Variants in HPSE2 observed in about 807,000 individuals in gnomAD.
The protein encoded by HPSE2 is inactive heparanase-2.
A neutral mutation model predicts 60.5 loss-of-function variants in HPSE2; 38 were observed. That is an observed-to-expected ratio of 0.63 (90% confidence interval 0.48 to 0.82). The LOEUF (loss-of-function observed/expected upper bound fraction) is 0.82, where lower values mean the gene tolerates loss of function less well. Ranked by LOEUF, HPSE2 falls within the 40% of genes least tolerant of loss-of-function variation. The probability of loss-of-function intolerance (pLI) is 0.00; values close to 1 mark genes in which losing one functional copy is unlikely to be tolerated. For missense variants in HPSE2, 713 were observed against 740.4 expected (o/e 0.96, Z 0.43); for synonymous variants, 295 against 293.2 (o/e 1.01, Z -0.06).
chr10:98,664,744 T>TC (rs1340336923), intron 6 of HPSE2, among the ~76,000 whole-genome samples: 2 of 152,152 alleles, frequency 1.3e-5, no homozygotes, highest in Non-Finnish European at 2.9e-5. Context: ...CAAATAAAGA[T>TC]CTTGTTAAGA....
intron 3 of HPSE2, among the ~76,000 whole-genome samples, chr10:99,066,795 C>T (rs992567355): frequency 6.6e-6 from 1 of 152,104 alleles, no homozygotes; most frequent in Admixed American, 6.5e-5. Context: ...CCGCAAATCT[C>T]ATGTCCTCAC....
At chr10:98,930,094 T>C (rs1203823940) in intron 3 of HPSE2, among the ~76,000 whole-genome samples, 2 of 143,600 alleles carry the variant, frequency 1.4e-5, no homozygotes, top group Non-Finnish European at 3.0e-5. Context: ...CATCTATGTA[T>C]TAAGCCCAGC....
intron 9 of HPSE2, among the ~76,000 whole-genome samples, chr10:98,540,906 A>G (rs1943437180): frequency 6.6e-6 from 1 of 152,212 alleles, no homozygotes; most frequent in Non-Finnish European, 1.5e-5. Context: ...GGGAACCTAA[A>G]GACTATAATA....
At chr10:98,467,677 G>A (rs1253566516) in intron 11 of HPSE2, among the ~76,000 whole-genome samples, 1 of 152,198 alleles carries the variant, frequency 6.6e-6, no homozygotes, top group African/African-American at 2.4e-5. Flanking sequence ...TGGCACCCAG[G>A]AAGCCGGAAT....
chr10:99,289,189 G>A, the HPSE2 span, among the ~76,000 whole-genome samples: 1 of 152,096 alleles, frequency 6.6e-6, no homozygotes, highest in Admixed American at 6.6e-5. Context: ...ACCATCCACA[G>A]TGCAACAGAT....
chr10:98,583,004 T>A (rs906903193), intron 9 of HPSE2, among the ~76,000 whole-genome samples: 3 of 152,132 alleles, frequency 2.0e-5, no homozygotes, highest in African/African-American at 7.2e-5. Context: ...TGGACTCATT[T>A]TTGTCATACC....
chr10:99,230,897 CT>C (rs144408876), intron 2 of HPSE2, among the ~76,000 whole-genome samples: 2,526 of 152,238 alleles, frequency 0.017, 106 homozygotes, highest in East Asian at 0.16. Context: ...GACAGTGACC[CT>C]GGGAGCTATA....
At chr10:98,547,608 G>A (rs1943727812) in intron 9 of HPSE2, among the ~76,000 whole-genome samples, 1 of 131,036 alleles carries the variant, frequency 7.6e-6, no homozygotes, top group South Asian at 2.5e-4. Flanking sequence ...TGAACAATGA[G>A]AACACATGGA....
At chr10:99,285,200 G>A in the HPSE2 span, among the ~76,000 whole-genome samples, 1 of 151,726 alleles carries the variant, frequency 6.6e-6, no homozygotes, top group Non-Finnish European at 1.5e-5. Context: ...CAGGCTGAAT[G>A]GGAGTACTAC....
chr10:98,820,997 T>C (rs1951411619), intron 3 of HPSE2, among the ~76,000 whole-genome samples: 1 of 152,142 alleles, frequency 6.6e-6, no homozygotes. Context: ...TAACCCTCCT[T>C]CCCCTACCTG....
chr10:98,723,833 C>T lies in HPSE2; in HGVS notation c.785-2005G>A, dbSNP rs373369681. ...ATATCCCCTTTGTCATTTTTTATTG[C>T]GTCTATTTGATTCTTCTCTCTTTTC... On this transcript the variant is annotated intron_variant, in intron 4 of 11. Coordinates refer to ENST00000370552, the MANE Select transcript of HPSE2 (RefSeq NM_021828.5). Among the ~76,000 whole-genome samples, 60 of 151,962 alleles carry T rather than the reference C, an allele frequency of 3.9e-4. No homozygotes were observed. In the East Asian group the frequency reaches 6.6e-3, roughly 17 times the overall value.
intron 6 of HPSE2, among the ~76,000 whole-genome samples, chr10:98,675,524 A>T (rs985570428): frequency 6.7e-6 from 1 of 149,002 alleles, no homozygotes; most frequent in Admixed American, 6.8e-5. Context: ...TAAGCAACAC[A>T]GTGAGATCCC....
At chr10:98,653,096 A>C (rs1213423287) in intron 6 of HPSE2, among the ~76,000 whole-genome samples, 1 of 152,216 alleles carries the variant, frequency 6.6e-6, no homozygotes, top group Non-Finnish European at 1.5e-5. Flanking sequence ...TAATCTATAT[A>C]TCATTATGTA....
At chr10:99,128,860 TA>T (rs539013411) in intron 3 of HPSE2, among the ~76,000 whole-genome samples, 1 of 151,766 alleles carries the variant, frequency 6.6e-6, no homozygotes, top group African/African-American at 2.4e-5. Flanking sequence ...TTTCATTTTT[TA>T]AAAAAAAATC....
intron 2 of HPSE2, among the ~76,000 whole-genome samples, chr10:99,152,039 C>T (rs570009143): frequency 1.3e-5 from 2 of 151,680 alleles, no homozygotes; most frequent in South Asian, 4.2e-4. Context: ...AGAGGCTGGG[C>T]ACTGTGGCTC....
At chr10:98,584,486 T>C (rs920990236) in intron 9 of HPSE2, among the ~76,000 whole-genome samples, 3 of 152,304 alleles carry the variant, frequency 2.0e-5, no homozygotes, top group African/African-American at 7.2e-5. Flanking sequence ...AATAATTTAA[T>C]TGTGGATTCC....
Position 98,998,367 on chromosome 10 carries a change from A to T in HPSE2, c.610+145871T>A, listed in dbSNP as rs142113407. Among the ~76,000 whole-genome samples the T allele has an allele frequency of 6.9e-3, 1,048 of 152,314 alleles. 2 individuals are homozygous for T. Among genetic ancestry groups the T allele is most frequent in the Middle Eastern group, 0.024 (7 of 294 alleles). On this transcript the variant is annotated intron_variant, in intron 3 of 11. Coordinates refer to ENST00000370552, the MANE Select transcript of HPSE2 (RefSeq NM_021828.5). ...GTGATAGTCTTAAAGTATCTTCCTG[A>T]TGAAAGCTCAACTAGTTTCATTAAT...
chr10:99,275,744 C>T, the HPSE2 span, among the ~76,000 whole-genome samples: 1 of 152,188 alleles, frequency 6.6e-6, no homozygotes, highest in Non-Finnish European at 1.5e-5. Context: ...CATACCCTTG[C>T]CCCCAACAAA....
chr10:98,718,264 T>C (rs1948838944), intron 5 of HPSE2, among the ~76,000 whole-genome samples: 1 of 152,172 alleles, frequency 6.6e-6, no homozygotes, highest in East Asian at 1.9e-4. Flanking sequence ...AAATAGGCAC[T>C]TTATTAAGTA....
Sources: allele counts gnomAD v4.1 joint callset (sites outside exome capture counted in the v4.1 genomes callset), GRCh38; gene constraint gnomAD v4.1.1; transcripts MANE v1.5; gene names NCBI Gene and HGNC (gene_info 2026-07-23, HGNC 2026-07-21).